Variants in CLCN5 observed in about 807,000 individuals in gnomAD.
CLCN5 encodes the protein H(+)/Cl(-) exchange transporter 5.
CLCN5 carries 17 observed loss-of-function variants against 54.0 expected under a neutral mutation model. That is an observed-to-expected ratio of 0.31 (90% confidence interval 0.22 to 0.47). CLCN5 has a LOEUF of 0.47. Among genes scored for constraint, CLCN5 ranks in the 20% least tolerant of loss-of-function variants. The pLI, the probability that CLCN5 is intolerant of heterozygous loss-of-function variation, is 1.00. For synonymous variants in CLCN5, 222 were observed against 233.0 expected (o/e 0.95, Z 0.43); for missense variants, 448 against 646.7 (o/e 0.69, Z 3.33).
At chrX:50,023,199 C>T (rs1931205750) in intron 3 of CLCN5, among the ~76,000 whole-genome samples, 5 of 72,814 alleles carry the variant, frequency 6.9e-5, no homozygotes, top group African/African-American at 2.6e-4. Flanking sequence ...TAGTTAGCTC[C>T]TCTTGTTGAA....
At chrX:50,074,732 A>G (rs1215142435) in intron 6 of CLCN5, among the ~76,000 whole-genome samples, 2 of 112,144 alleles carry the variant, frequency 1.8e-5, no homozygotes, top group Non-Finnish European at 3.8e-5. Flanking sequence ...TGGTCAGTGA[A>G]TATTTTTCTT....
intron 14 of CLCN5, 84 bp from the exon 15 acceptor site, chrX:50,092,045 C>A: frequency 1.5e-6 from 1 of 680,000 alleles, no homozygotes; most frequent in Non-Finnish European, 2.3e-6. Context: ...TTGAAAAGGA[C>A]TGAGGAGGAC....
chrX:50,035,903 C>T (rs1296915062), intron 3 of CLCN5, among the ~76,000 whole-genome samples: 1 of 112,680 alleles, frequency 8.9e-6, no homozygotes, highest in Non-Finnish European at 1.9e-5. Flanking sequence ...TGCTGTCCTT[C>T]TTAGCTCTCA....
intron 4 of CLCN5, among the ~76,000 whole-genome samples, chrX:50,063,144 G>A (rs1932889470): frequency 9.9e-6 from 1 of 100,815 alleles, no homozygotes; most frequent in African/African-American, 3.8e-5. Flanking sequence ...CAGAAGGCAA[G>A]AAATAACTAA....
At chrX:50,078,398 C>A (rs1933531630) in intron 7 of CLCN5, among the ~76,000 whole-genome samples, 3 of 111,389 alleles carry the variant, frequency 2.7e-5, no homozygotes, top group African/African-American at 9.8e-5. Context: ...ACAAGGAGGT[C>A]CTCAGTACCC....
chrX:49,991,870 CAT>C (rs1929276781), intron 3 of CLCN5, among the ~76,000 whole-genome samples: 1 of 111,588 alleles, frequency 9.0e-6, no homozygotes, highest in African/African-American at 3.3e-5. Context: ...TCTTCTTAAA[CAT>C]ATGGCGTTAG....
intron 4 of CLCN5, among the ~76,000 whole-genome samples, chrX:50,064,275 C>T (rs1402017301): frequency 9.1e-6 from 1 of 109,429 alleles, no homozygotes; most frequent in African/African-American, 3.4e-5. Context: ...CGTCTCAGCC[C>T]AAAATCTCCT....
intron 3 of CLCN5, among the ~76,000 whole-genome samples, chrX:49,970,558 T>G (rs782701260): frequency 8.9e-6 from 1 of 111,917 alleles, no homozygotes; most frequent in African/African-American, 3.2e-5. Context: ...TCATCTATGT[T>G]GTAGCAGGTA....
intron 3 of CLCN5, among the ~76,000 whole-genome samples, chrX:49,936,348 G>C (rs1925968790): frequency 8.9e-6 from 1 of 111,783 alleles, no homozygotes; most frequent in Non-Finnish European, 1.9e-5. Flanking sequence ...GGCACTCCTG[G>C]TGTTAGAGAT....
At position 49,925,215 on chromosome X, in the gene CLCN5, C is replaced by T; in HGVS notation, c.-84C>T. On this transcript the variant is annotated 5_prime_UTR_variant, in exon 3 of 15. Transcript: ENST00000376091. ...TGGAGAAAACAGGGCCACATAGCTG[C>T]CTTTCTATCAAGTCTCCCTACAAAA... is the stretch of plus-strand genomic sequence containing the variant. 1 of 1,034,844 alleles carries T rather than the reference C, an allele frequency of 9.7e-7. No individual in the cohort carries two copies. Among genetic ancestry groups the T allele is most frequent in the Non-Finnish European group, 1.4e-6 (1 of 734,535 alleles). 85.3% of individuals were successfully genotyped at this position (1,034,844 alleles called of 1,213,427 possible).
chrX:50,074,465 G>T (rs1569540083), intron 6 of CLCN5, among the ~76,000 whole-genome samples: 1 of 111,806 alleles, frequency 8.9e-6, no homozygotes, highest in East Asian at 2.8e-4. Flanking sequence ...GACAACCAGA[G>T]AATAAGCCAA....
chrX:49,923,297 G>T (rs971727248), intron 1 of CLCN5, 110 bp from the exon 2 acceptor site: 2 of 113,200 alleles, frequency 1.8e-5, no homozygotes, highest in African/African-American at 6.4e-5. Context: ...CACTTAACGC[G>T]CGTAGCTGGT....
chrX:50,010,489 A>G (rs1750734936), intron 3 of CLCN5, among the ~76,000 whole-genome samples: 1 of 111,778 alleles, frequency 8.9e-6, no homozygotes, highest in Non-Finnish European at 1.9e-5. Context: ...GCAGTCCACC[A>G]GCCTTAGCCT....
Position 49,925,201 on chromosome X carries a change from G to A in CLCN5, c.-98G>A. ...GGGCTTTAGCCCCTTGGAGAAAACA[G>A]GGCCACATAGCTGCCTTTCTATCAA... On this transcript the variant is annotated 5_prime_UTR_variant, in exon 3 of 15. Coordinates refer to ENST00000376091, the MANE Select transcript of CLCN5 (RefSeq NM_001127898.4). 1 of 931,773 alleles carries A rather than the reference G, an allele frequency of 1.1e-6. No homozygotes were observed. The highest frequency in any genetic ancestry group is 1.6e-6 in the Non-Finnish European group (1 of 642,845). 76.8% of individuals were successfully genotyped at this position (931,773 alleles called of 1,213,427 possible).
At chrX:50,090,952 T>A in intron 14 of CLCN5, 66 bp downstream of exon 14, 1 of 905,766 alleles carries the variant, frequency 1.1e-6, no homozygotes, top group Non-Finnish European at 1.6e-6. Flanking sequence ...TAGAAAGAAG[T>A]AGAAAGAAGT....
At chrX:50,081,542 T>C in intron 8 of CLCN5, 99 bp from the exon 9 acceptor site, 1 of 636,535 alleles carries the variant, frequency 1.6e-6, no homozygotes. Context: ...ATGTCACTTA[T>C]TCAAAAGGTG....
chrX:50,042,984 C>T (rs1932277850), intron 4 of CLCN5, among the ~76,000 whole-genome samples: 1 of 111,701 alleles, frequency 9.0e-6, no homozygotes, highest in Non-Finnish European at 1.9e-5. Context: ...GCACCCTTAA[C>T]AGCACTTGGT....
chrX:49,936,683 G>T (rs782790646), intron 3 of CLCN5, among the ~76,000 whole-genome samples: 42 of 112,371 alleles, frequency 3.7e-4, no homozygotes, highest in South Asian at 2.6e-3. Flanking sequence ...TGCACTGTTG[G>T]TAGGCATATA....
In CLCN5 at chrX:50,086,288, C is replaced by T. The variant is rs782749884; in HGVS notation, c.1015-40C>T. The T allele has an allele frequency of 1.7e-5, 19 of 1,149,811 alleles. No individual in the cohort carries two copies. In the South Asian group the frequency reaches 3.3e-4, roughly 20 times the overall value. The allele number at this position is 1,149,811 out of a possible 1,213,427, so 94.8% of individuals were successfully genotyped here. On this transcript the variant is annotated intron_variant, in intron 10 of 14. Coordinates refer to ENST00000376091, the MANE Select transcript of CLCN5 (RefSeq NM_001127898.4). ...AACATTTCACCTGAAATAGTTTCTG[C>T]GTATTGACTGAGTTTGCTTTCTCAC...
Sources: allele counts gnomAD v4.1 joint callset (sites outside exome capture counted in the v4.1 genomes callset), GRCh38; gene constraint gnomAD v4.1.1; transcripts MANE v1.5; gene names NCBI Gene and HGNC (gene_info 2026-07-23, HGNC 2026-07-21).